The following SH3BP2 variants were observed in gnomAD, a reference collection of about 807,000 sequenced individuals.
SH3BP2 encodes SH3 domain-binding protein 2.
A neutral mutation model predicts 56.2 loss-of-function variants in SH3BP2; 38 were observed. The observed-to-expected ratio is 0.68, with a 90% CI of 0.52 to 0.89. The LOEUF (loss-of-function observed/expected upper bound fraction) is 0.89, where lower values mean the gene tolerates loss of function less well. Ranked by LOEUF, SH3BP2 falls within the 40% of genes least tolerant of loss-of-function variation. SH3BP2 has a pLI of 0.00. For synonymous variants in SH3BP2, 346 were observed against 316.7 expected (o/e 1.09, Z -0.98); for missense variants, 748 against 762.6 (o/e 0.98, Z 0.23).
chr4:2,809,456 C>G (rs1723659337), intron 1 of SH3BP2, among the ~76,000 whole-genome samples: 1 of 152,046 alleles, frequency 6.6e-6, no homozygotes. Context: ...TCTGCAGACC[C>G]TCCTTGGCAT....
intron 1 of SH3BP2, among the ~76,000 whole-genome samples, chr4:2,805,987 G>A (rs990188425): frequency 2.6e-5 from 4 of 152,318 alleles, no homozygotes; most frequent in Non-Finnish European, 4.4e-5. Context: ...AAGCACGGCC[G>A]GACGCTGAGC....
At chr4:2,824,526 G>C in intron 3 of SH3BP2, 87 bp from the exon 4 acceptor site, 1 of 976,896 alleles carries the variant, frequency 1.0e-6, no homozygotes, top group Non-Finnish European at 1.6e-6. Context: ...TGGTGCTGGT[G>C]CCGAGACGTG....
intron 1 of SH3BP2, among the ~76,000 whole-genome samples, chr4:2,798,840 C>T (rs1723147050): frequency 1.3e-5 from 2 of 152,344 alleles, no homozygotes; most frequent in Admixed American, 6.5e-5. Flanking sequence ...TCAGGTGGCT[C>T]CACCAGGCCA....
intron 1 of SH3BP2, among the ~76,000 whole-genome samples, chr4:2,806,832 T>C (rs1723555090): frequency 6.6e-6 from 1 of 152,226 alleles, no homozygotes; most frequent in Non-Finnish European, 1.5e-5. Flanking sequence ...GAAGGCCCAG[T>C]GGGGCATCCG....
rs2108739211 is a variant in SH3BP2, at chr4:2,830,026, C to T, written c.1120C>T (p.Pro374Ser). Residue 374 changes from proline to serine, a missense_variant, in exon 8 of 13, where the codon CCC becomes TCC. Pro to Ser is a moderately conservative substitution (Grantham distance 74, BLOSUM62 -1). Coordinates refer to ENST00000503393, the MANE Select transcript of SH3BP2 (RefSeq NM_001122681.2). Reference sequence around the variant, plus strand: ...GGACCCCCCAAGGGAGGCAGCCATGCCCGGACTCTTTGTGCCCCCCGTGGC... The same window carrying T: ...GGACCCCCCAAGGGAGGCAGCCATGTCCGGACTCTTTGTGCCCCCCGTGGC... ...EEDPPREAAM[P>S]GLFVPPVAPR... The T allele has an allele frequency of 1.2e-6, 2 of 1,612,882 alleles. No homozygotes were observed. Among genetic ancestry groups the T allele is most frequent in the Non-Finnish European group, 1.7e-6 (2 of 1,179,948 alleles).
Position 2,826,988 on chromosome 4 carries a change from T to C in SH3BP2, c.429-242T>C, listed in dbSNP as rs1195228621. ...GCATTTGTGTGTTTGTCAGAGTATG[T>C]GTGCATGTGTGTGTCTGTCAGCGTA... On this transcript the variant is annotated intron_variant, in intron 5 of 12. Coordinates refer to ENST00000503393, the MANE Select transcript of SH3BP2 (RefSeq NM_001122681.2). 6.0e-6 allele frequency: 4 copies of C among 666,992 alleles called. No individual in the cohort carries two copies. The Admixed American group carries it at 8.2e-5, about 14-fold the overall frequency. The allele number at this position is 666,992 out of a possible 1,614,324, so 41.3% of individuals were successfully genotyped here.
chr4:2,827,680 TG>T lies in SH3BP2; in HGVS notation c.586+10del. ...GGAGCCCGGAAGGCTTGAGGGTAGG[TG>T]GGGCGGGTGGGCCCGGGGAGCTCTG... On this transcript the variant is annotated splice_region_variant and intron_variant, in intron 7 of 12. Transcript: ENST00000503393. 1.1e-6 allele frequency: 1 copy of T among 916,628 alleles called. No individual in the cohort carries two copies. Among genetic ancestry groups the T allele is most frequent in the Non-Finnish European group, 1.7e-6 (1 of 604,240 alleles). 56.8% of individuals were successfully genotyped at this position (916,628 alleles called of 1,614,324 possible).
At chr4:2,832,448 G>A (rs765524800) in intron 11 of SH3BP2, 36 bp downstream of exon 11, 34 of 1,536,686 alleles carry the variant, frequency 2.2e-5, no homozygotes, top group Non-Finnish European at 2.9e-5. Flanking sequence ...GGGCCCCTCT[G>A]GCTCTCCACA....
In SH3BP2 at chr4:2,835,587, A is replaced by G. The variant is rs959052617; in HGVS notation, c.*1753A>G. On this transcript the variant is annotated 3_prime_UTR_variant, in exon 13 of 13. Transcript: ENST00000503393. ...TGCTTAGGGAGTCATGCCACTCCCCACTGTGGCCATAGTTTCTCTTCCTGT... is the reference window on the plus strand; with the variant it reads ...TGCTTAGGGAGTCATGCCACTCCCCGCTGTGGCCATAGTTTCTCTTCCTGT... 1 of 152,166 alleles carries G rather than the reference A, an allele frequency of 6.6e-6. No homozygotes were observed. Among genetic ancestry groups the G allele is most frequent in the African/African-American group, 2.4e-5 (1 of 41,408 alleles). 9.4% of individuals were successfully genotyped at this position (152,166 alleles called of 1,614,324 possible).
rs1422063754 is a variant in SH3BP2 at position 2,829,894 on chromosome 4, A to C, written c.988A>C (p.Asn330His). ...AAIMATATSR[N>H]CDKLKSFHLS... is the part of the protein sequence containing the mutation. ...CATCATGGCCACTGCCACCTCCAGA[A>C]ACTGTGACAAACTCAAGTCCTTCCA... The change falls in exon 8 of 13, where the codon AAC (asparagine) becomes CAC (histidine). Residue 330 changes from asparagine (N) to histidine (H), a missense_variant. Asn to His is a moderately conservative substitution (Grantham distance 68). Coordinates refer to ENST00000503393, the MANE Select transcript of SH3BP2 (RefSeq NM_001122681.2). The surrounding 1 kb of genome is among the most constrained non-coding windows in gnomAD (Gnocchi z 4.9). 1.2e-6 allele frequency: 2 copies of C among 1,613,850 alleles called. No individual in the cohort carries two copies. The highest frequency in any genetic ancestry group is 1.1e-5 in the South Asian group (1 of 91,084).
intron 1 of SH3BP2, among the ~76,000 whole-genome samples, chr4:2,805,755 C>T (rs575489164): frequency 6.3e-4 from 96 of 152,282 alleles, no homozygotes; most frequent in African/African-American, 2.3e-3. Flanking sequence ...GGCCCAGGGC[C>T]TGCGGATTGG....
At chr4:2,813,827 GTA>G (rs950404269) in intron 1 of SH3BP2, among the ~76,000 whole-genome samples, 8 of 152,208 alleles carry the variant, frequency 5.3e-5, no homozygotes, top group African/African-American at 1.7e-4. Context: ...GAATGAGTGT[GTA>G]TATATGTGTT....
chr4:2,828,001 C>G (rs1040923208), intron 7 of SH3BP2, among the ~76,000 whole-genome samples: 4 of 152,138 alleles, frequency 2.6e-5, no homozygotes, highest in African/African-American at 9.7e-5. Flanking sequence ...GGTCCATGTC[C>G]CCATGGCTGC....
chr4:2,832,348 GC>G lies in SH3BP2; in HGVS notation c.1429del (p.Arg477GlyfsTer32), dbSNP rs750956943. The G allele has an allele frequency of 1.2e-6, 2 of 1,614,016 alleles. No individual in the cohort carries two copies. Among genetic ancestry groups the G allele is most frequent in the African/African-American group, 2.7e-5 (2 of 75,050 alleles). On this transcript the variant is annotated frameshift_variant, in exon 11 of 13. Transcript: ENST00000503393. LOFTEE classifies it high-confidence loss of function. Reference protein sequence around the residue: ...CEVERLFKATSPRGEPQDGLY... With the variant: ...CEVERLFKATXPRGEPQDGLY... Reference sequence around the variant, plus strand: ...TATTTTAGGTTGTTCAAGGCTACAAGCCCCCGGGGAGAGCCCCAGGATGGAC... The same window carrying G: ...TATTTTAGGTTGTTCAAGGCTACAAGCCCCGGGGAGAGCCCCAGGATGGAC...
intron 1 of SH3BP2, among the ~76,000 whole-genome samples, chr4:2,794,842 G>A (rs1056782721): frequency 1.3e-5 from 2 of 152,186 alleles, no homozygotes; most frequent in African/African-American, 4.8e-5. Context: ...CACCCCCCAG[G>A]GATGCACGCA....
chr4:2,811,452 C>G (rs1186722458), intron 1 of SH3BP2, among the ~76,000 whole-genome samples: 1 of 152,218 alleles, frequency 6.6e-6, no homozygotes, highest in Non-Finnish European at 1.5e-5. Context: ...GTCCTGTCCT[C>G]CCTGGGCAAG....
intron 1 of SH3BP2, chr4:2,818,465 G>A: frequency 1.2e-6 from 1 of 860,870 alleles, no homozygotes; most frequent in Non-Finnish European, 1.5e-6. Flanking sequence ...CGCACCCCGA[G>A]CCCCTGGACC....
At position 2,825,416 on chromosome 4, in the gene SH3BP2, C is replaced by T. The variant is rs112516055; in HGVS notation, c.428+220C>T. On this transcript the variant is annotated intron_variant, in intron 5 of 12. Transcript: ENST00000503393. ...CACACAGACGAGCGACACGCGGACA[C>T]GCACACACAAACACAAGCAACACGC... Among the ~76,000 whole-genome samples the T allele has an allele frequency of 4.9e-3, 726 of 147,758 alleles. 5 individuals carry two copies. The highest frequency in any genetic ancestry group is 7.2e-3 in the Non-Finnish European group (486 of 67,610).
intron 5 of SH3BP2, chr4:2,826,297 C>CTGTG (rs368528643): frequency 4.5e-4 from 32 of 71,764 alleles, no homozygotes; most frequent in African/African-American, 6.2e-4. Flanking sequence ...GCGTGTTGCT[C>CTGTG]TGTGTGTGTG....
Sources: gnomAD v4.1 joint callset for allele counts (sites outside exome capture counted in the v4.1 genomes callset) on GRCh38, gnomAD v4.1.1 for gene constraint, Gnocchi (gnomAD v3.1) non-coding constraint, MANE v1.5 for transcripts, NCBI Gene and HGNC (gene_info 2026-07-23, HGNC 2026-07-21) for gene names.